PABIR3: variants seen among roughly 807,000 people sequenced by gnomAD.
The protein encoded by PABIR3 is PABIR family member 3.
Under a neutral mutation model 23.1 loss-of-function variants are expected in PABIR3, and 20 were observed. That is an observed-to-expected ratio of 0.86 (90% CI 0.61 to 1.26). The LOEUF (loss-of-function observed/expected upper bound fraction) is 1.26. PABIR3 is among the 50% of genes most tolerant of loss of function. The pLI, the probability that PABIR3 is intolerant of heterozygous loss-of-function variation, is 0.00. For missense variants in PABIR3, 189 were observed against 195.4 expected, an observed-to-expected ratio of 0.97 and a Z score of 0.20; for synonymous variants, 69 against 68.5, an observed-to-expected ratio of 1.01 and a Z score of -0.04.
At chrX:134,828,170 C>T (rs1312778574) in intron 3 of PABIR3, among the ~76,000 whole-genome samples, 1 of 106,379 alleles carries the variant, frequency 9.4e-6, no homozygotes, top group African/African-American at 3.4e-5. Flanking sequence ...TAGGCATGAG[C>T]CTCCCGTGCC....
At chrX:134,809,167 C>CTTTTT in intron 2 of PABIR3, 1 of 129,855 alleles carries the variant, frequency 7.7e-6, no homozygotes, top group Non-Finnish European at 1.5e-5. Context: ...ATCTTGTTTC[C>CTTTTT]TTTTTTTTTT....
chrX:134,852,005 G>T (rs1046323257), intron 9 of PABIR3, among the ~76,000 whole-genome samples: 4 of 112,125 alleles, frequency 3.6e-5, no homozygotes, highest in African/African-American at 1.3e-4. Flanking sequence ...TTTGAGATTA[G>T]ATGTTCTACC....
At chrX:134,849,807 A>T (rs769896009) in intron 9 of PABIR3, among the ~76,000 whole-genome samples, 1 of 107,962 alleles carries the variant, frequency 9.3e-6, no homozygotes, top group East Asian at 2.9e-4. Flanking sequence ...GTCTTTTTTA[A>T]AAACTCCTGC....
intron 2 of PABIR3, 147 bp downstream of exon 2, chrX:134,807,855 C>A: frequency 1.6e-6 from 1 of 614,332 alleles, no homozygotes; most frequent in Non-Finnish European, 2.4e-6. Flanking sequence ...CCACCCTCAA[C>A]CTTGGGTGGG....
upstream of PABIR3, chrX:134,807,065 A>G: frequency 1.9e-6 from 1 of 521,795 alleles, no homozygotes; most frequent in Non-Finnish European, 2.3e-6. Context: ...AGGGCAGGAC[A>G]TGGGGATAAA....
upstream of PABIR3, chrX:134,804,278 G>A (rs2080139963): frequency 9.2e-7 from 1 of 1,084,455 alleles, no homozygotes; most frequent in Admixed American, 2.6e-5. Context: ...TAGAAATGGG[G>A]AGAAGTAAAA....
chrX:134,820,135 G>A lies in PABIR3; in HGVS notation c.189+5286G>A, dbSNP rs750344302. 2.7e-5 allele frequency among the ~76,000 whole-genome samples: 3 copies of A among 110,867 alleles called. No homozygotes were observed. In the Admixed American group the frequency reaches 2.9e-4, roughly 11 times the overall value. ...ACCCAGGGTTCAAAATCAATGGATAGCAAGCTCTTATATATATTTAAAGAT... is the reference window on the plus strand; with the variant it reads ...ACCCAGGGTTCAAAATCAATGGATAACAAGCTCTTATATATATTTAAAGAT... On this transcript the variant is annotated intron_variant, in intron 3 of 10. Transcript: ENST00000645433.
At chrX:134,826,260 C>A (rs1286702919) in intron 3 of PABIR3, among the ~76,000 whole-genome samples, 1 of 111,453 alleles carries the variant, frequency 9.0e-6, no homozygotes, top group Non-Finnish European at 1.9e-5. Context: ...TAAAACATGC[C>A]AAGCACTTTC....
intron 2 of PABIR3, chrX:134,809,778 TA>T: frequency 1.3e-6 from 1 of 749,220 alleles, no homozygotes; most frequent in Non-Finnish European, 1.6e-6. Context: ...TCCTGACTCC[TA>T]AACTACTGTT....
upstream of PABIR3, among the ~76,000 whole-genome samples, chrX:134,805,668 C>T (rs2080198881): frequency 9.0e-6 from 1 of 111,320 alleles, no homozygotes; most frequent in South Asian, 3.8e-4. Context: ...GAGGCCGAGG[C>T]GGGTGGATCA....
chrX:134,807,687 C>A lies in PABIR3; in HGVS notation c.89C>A (p.Ala30Asp). 2.5e-6 allele frequency: 3 copies of A among 1,191,787 alleles called. No individual in the cohort carries two copies. The highest frequency in any genetic ancestry group is 3.7e-5 in the South Asian group (2 of 53,812). ...DGNILRRVNS[A>D]PLINGLGFNS... Reference sequence around the variant, plus strand: ...AACATTCTGAGAAGAGTCAACAGTGCCCCTTTGATCAATGGACTTGGGTGA... The same window carrying A: ...AACATTCTGAGAAGAGTCAACAGTGACCCTTTGATCAATGGACTTGGGTGA... Residue 30 changes from alanine to aspartate, a missense_variant, in exon 2 of 11, where the codon GCC becomes GAC. Ala to Asp is a moderately radical substitution (Grantham distance 126). Coordinates refer to ENST00000645433, the MANE Select transcript of PABIR3 (RefSeq NM_001388447.1).
At chrX:134,828,800 T>G (rs375980174) in intron 3 of PABIR3, among the ~76,000 whole-genome samples, 9 of 112,021 alleles carry the variant, frequency 8.0e-5, no homozygotes, top group African/African-American at 2.3e-4. Context: ...TTATGATTTT[T>G]GGGCAGTATG....
chrX:134,841,744 G>A (rs1044917448), intron 4 of PABIR3, among the ~76,000 whole-genome samples: 26 of 110,464 alleles, frequency 2.4e-4, no homozygotes, highest in African/African-American at 8.2e-4. Context: ...CAGGAGAATC[G>A]CTTGAACCTG....
rs1047755804 is a variant in PABIR3, at chrX:134,825,819, C to T, written c.190-3407C>T. 5.7e-5 allele frequency among the ~76,000 whole-genome samples: 6 copies of T among 104,767 alleles called. No individual in the cohort carries two copies. In the East Asian group the frequency reaches 8.8e-4, roughly 15 times the overall value. 91.0% of individuals were successfully genotyped at this position (104,767 alleles called of 115,157 possible). ...CTGAGATTATAGGCGCCTGCTACCACGCCCGGATCTTTTTTTTTTTTTTTT... is the reference window on the plus strand; with the variant it reads ...CTGAGATTATAGGCGCCTGCTACCATGCCCGGATCTTTTTTTTTTTTTTTT... On this transcript the variant is annotated intron_variant, in intron 3 of 10. Transcript: ENST00000645433.
At chrX:134,831,114 G>A (rs779165139) in intron 4 of PABIR3, among the ~76,000 whole-genome samples, 22 of 107,681 alleles carry the variant, frequency 2.0e-4, no homozygotes, top group East Asian at 5.9e-4. Flanking sequence ...TCACCCAGGC[G>A]GGAGTGCAGT....
chrX:134,819,688 C>G (rs1473060116), intron 3 of PABIR3, among the ~76,000 whole-genome samples: 1 of 110,786 alleles, frequency 9.0e-6, no homozygotes, highest in Non-Finnish European at 1.9e-5. Context: ...AGTTCAAGAC[C>G]AACCTGGCCA....
At chrX:134,834,347 C>T (rs2081906918) in intron 4 of PABIR3, 1 of 111,839 alleles carries the variant, frequency 8.9e-6, no homozygotes, top group Admixed American at 9.5e-5. Flanking sequence ...TATCTTTTGC[C>T]CACTTTTTGA....
At chrX:134,839,964 T>G (rs1252499106) in intron 4 of PABIR3, among the ~76,000 whole-genome samples, 6 of 112,616 alleles carry the variant, frequency 5.3e-5, no homozygotes, top group Admixed American at 3.7e-4. Flanking sequence ...ATGGTTGCCG[T>G]GTCTGTGTAG....
rs2082490236 is a variant in PABIR3 at position 134,847,964 on chromosome X, TACATC to T, written c.522_526del (p.Ile175LysfsTer10). On this transcript the variant is annotated frameshift_variant and splice_region_variant, in exon 8 of 11. Transcript: ENST00000645433. LOFTEE classifies it high-confidence loss of function. ...TCCTATTCCCAGTCCTATGCAACAA[TACATC>T]ATGTAAGTTTATGTTATATGAAAAT... 1.8e-6 allele frequency: 2 copies of T among 1,142,665 alleles called. No homozygotes were observed. The highest frequency in any genetic ancestry group is 5.2e-5 in the Admixed American group (2 of 38,352). 94.2% of individuals were successfully genotyped at this position (1,142,665 alleles called of 1,213,427 possible). A position where few individuals can be genotyped will look rare whatever the true frequency, so the allele number is the denominator to read the frequency against.
Sources: allele counts gnomAD v4.1 joint callset (sites outside exome capture counted in the v4.1 genomes callset), GRCh38; gene constraint gnomAD v4.1.1; transcripts MANE v1.5; gene names NCBI Gene and HGNC (gene_info 2026-07-23, HGNC 2026-07-21).